The following RPSA2 variants were observed in gnomAD, a reference collection of about 807,000 sequenced individuals.
RPSA2 encodes small ribosomal subunit protein uS2B.
the RPSA2 span, among the ~76,000 whole-genome samples, chr19:23,821,650 G>A: frequency 6.6e-6 from 1 of 152,162 alleles, no homozygotes; most frequent in African/African-American, 2.4e-5. Flanking sequence ...TTGGCTGGGG[G>A]CCTCTTTGTT....
At chr19:23,852,705 T>A in the RPSA2 span, among the ~76,000 whole-genome samples, 1 of 152,232 alleles carries the variant, frequency 6.6e-6, no homozygotes, top group Non-Finnish European at 1.5e-5. Flanking sequence ...ATTATGGACA[T>A]GTTATATTGC....
chr19:23,827,336 C>G, the RPSA2 span: 1 of 1,587,694 alleles, frequency 6.3e-7, no homozygotes, highest in Non-Finnish European at 8.5e-7. Context: ...GGAGAAGCTT[C>G]TGCTGGCAGC....
the RPSA2 span, among the ~76,000 whole-genome samples, chr19:23,810,760 C>T: frequency 6.6e-6 from 1 of 152,090 alleles, no homozygotes; most frequent in Non-Finnish European, 1.5e-5. Flanking sequence ...TTCCTCTAGG[C>T]CTCTGGAAGA....
chr19:23,820,515 G>T, the RPSA2 span, among the ~76,000 whole-genome samples: 4 of 152,160 alleles, frequency 2.6e-5, no homozygotes, highest in Admixed American at 2.6e-4. Flanking sequence ...GTGTGGAGCA[G>T]TCAATGCTGT....
chr19:23,787,849 C>T, the RPSA2 span, among the ~76,000 whole-genome samples: 6 of 152,110 alleles, frequency 3.9e-5, no homozygotes, highest in Admixed American at 3.9e-4. Context: ...CTACATAATA[C>T]GTTGTGACAT....
At chr19:23,841,382 T>G in the RPSA2 span, among the ~76,000 whole-genome samples, 1 of 152,008 alleles carries the variant, frequency 6.6e-6, no homozygotes, top group Non-Finnish European at 1.5e-5. Flanking sequence ...GAGAATGGCG[T>G]GAACCTGAGG....
the RPSA2 span, among the ~76,000 whole-genome samples, chr19:23,868,670 T>C: frequency 0.98 from 148,972 of 152,304 alleles, 72,949 homozygotes; most frequent in Middle Eastern, 1. Flanking sequence ...TCTGAAATTA[T>C]TATGGAAATC....
At chr19:23,855,356 A>G in the RPSA2 span, among the ~76,000 whole-genome samples, 2 of 152,226 alleles carry the variant, frequency 1.3e-5, no homozygotes, top group African/African-American at 4.8e-5. Flanking sequence ...CTCAGTACAA[A>G]GAGTCTGTAA....
chr19:23,790,042 C>G, the RPSA2 span, among the ~76,000 whole-genome samples: 1 of 152,000 alleles, frequency 6.6e-6, no homozygotes, highest in Non-Finnish European at 1.5e-5. Context: ...CTCTGTTGCC[C>G]AGGCTGGAGT....
At chr19:23,776,375 A>G in the RPSA2 span, among the ~76,000 whole-genome samples, 6 of 152,046 alleles carry the variant, frequency 3.9e-5, no homozygotes, top group African/African-American at 1.2e-4. Context: ...CACCCAGGGG[A>G]TGGGAGTTTT....
the RPSA2 span, among the ~76,000 whole-genome samples, chr19:23,768,796 C>T: frequency 6.7e-6 from 1 of 150,152 alleles, no homozygotes; most frequent in Non-Finnish European, 1.5e-5. Flanking sequence ...CCATGTTGGC[C>T]AGGCTGTTCT....
the RPSA2 span, among the ~76,000 whole-genome samples, chr19:23,866,901 A>G: frequency 0.015 from 2,217 of 152,318 alleles, 22 homozygotes; most frequent in Non-Finnish European, 0.022. Context: ...TTAACTTGCA[A>G]GGCATCACTG....
At chr19:23,790,904 G>T in the RPSA2 span, 2 of 471,796 alleles carry the variant, frequency 4.2e-6, no homozygotes, top group South Asian at 6.4e-5. Flanking sequence ...TCCTTGCCCA[G>T]GTTGGCATCC....
At chr19:23,827,268 A>G in the RPSA2 span, 1 of 767,996 alleles carries the variant, frequency 1.3e-6, no homozygotes, top group Non-Finnish European at 2.3e-6. Flanking sequence ...CAGATGGAAC[A>G]CTACATCTAT....
chr19:23,788,874 T>C, the RPSA2 span, among the ~76,000 whole-genome samples: 1 of 152,068 alleles, frequency 6.6e-6, no homozygotes, highest in Non-Finnish European at 1.5e-5. Flanking sequence ...AAAGAAAAGA[T>C]TGTAACATAT....
At chr19:23,810,522 G>T in the RPSA2 span, among the ~76,000 whole-genome samples, 3 of 152,082 alleles carry the variant, frequency 2.0e-5, no homozygotes, top group African/African-American at 7.2e-5. Context: ...CCAGGGGCAG[G>T]TTTCTGCAGT....
the RPSA2 span, among the ~76,000 whole-genome samples, chr19:23,809,807 A>G: frequency 2.6e-5 from 4 of 152,230 alleles, no homozygotes; most frequent in East Asian, 3.9e-4. Flanking sequence ...TTCAATTTCA[A>G]TGACTTTAAA....
the RPSA2 span, chr19:23,758,828 C>T: frequency 6.2e-7 from 1 of 1,600,560 alleles, no homozygotes; most frequent in Non-Finnish European, 8.5e-7. Flanking sequence ...GAGGCTGGGC[C>T]TCTAGAAGAA....
the RPSA2 span, among the ~76,000 whole-genome samples, chr19:23,838,383 G>A: frequency 2.3e-4 from 35 of 152,050 alleles, no homozygotes; most frequent in Admixed American, 1.2e-3. Context: ...CAAGGATATG[G>A]GTCTGTAGTT....
Sources: gnomAD v4.1 joint callset for allele counts (sites outside exome capture counted in the v4.1 genomes callset) on GRCh38, gnomAD v4.1.1 for gene constraint, MANE v1.5 for transcripts, NCBI Gene and HGNC (gene_info 2026-07-23, HGNC 2026-07-21) for gene names.